The following CDH23 variants were observed in gnomAD, a reference collection of about 807,000 sequenced individuals.
CDH23 encodes the protein cadherin-23.
A neutral mutation model predicts 317.1 loss-of-function variants in CDH23; 189 were observed. That is an observed-to-expected ratio of 0.60 (90% CI 0.53 to 0.67). The LOEUF (loss-of-function observed/expected upper bound fraction) is 0.67. Among genes scored for constraint, CDH23 ranks in the 30% least tolerant of loss-of-function variants. The pLI, the probability that CDH23 is intolerant of heterozygous loss-of-function variation, is 0.00. For missense variants in CDH23, 4,401 were observed against 4,592.4 expected (o/e 0.96, Z 1.20); for synonymous variants, 1,839 against 1,876.8 (o/e 0.98, Z 0.52).
At position 71,802,891 on chromosome 10, in the gene CDH23, C is replaced by T. The variant is rs1311347477; in HGVS notation, c.7483-7C>T. The T allele has an allele frequency of 1.2e-6, 2 of 1,613,966 alleles. No homozygotes were observed. The highest frequency in any genetic ancestry group is 1.7e-6 in the Non-Finnish European group (2 of 1,179,848). On this transcript the variant is annotated splice_region_variant and splice_polypyrimidine_tract_variant and intron_variant, in intron 53 of 69. Coordinates refer to ENST00000224721, the MANE Select transcript of CDH23 (RefSeq NM_022124.6). ...CTTACCTTTGGCCTTGACCTCCATCCACCCAGGTGGTGATCCAAGTGCTGG... is the reference window on the plus strand; with the variant it reads ...CTTACCTTTGGCCTTGACCTCCATCTACCCAGGTGGTGATCCAAGTGCTGG...
chr10:71,403,060 T>C (rs915538091), intron 1 of CDH23, among the ~76,000 whole-genome samples: 2 of 151,988 alleles, frequency 1.3e-5, no homozygotes, highest in Non-Finnish European at 2.9e-5. Flanking sequence ...AGGCGGAGCT[T>C]GCAGTGAGCC....
At chr10:71,440,033 A>C in intron 2 of CDH23, 135 bp downstream of exon 2, 1 of 700,762 alleles carries the variant, frequency 1.4e-6, no homozygotes, top group East Asian at 2.8e-5. Context: ...TGACTGAGGC[A>C]CATACTTCCC....
Position 71,759,872 on chromosome 10 carries a change from T to TACACACACACACATATATATAC in CDH23, c.4846-17791_4846-17790insTATACACACACACACACATATA, listed in dbSNP as rs1564779199. 1.7e-4 allele frequency among the ~76,000 whole-genome samples: 6 copies of TACACACACACACATATATATAC among 34,866 alleles called. 2 individuals carry two copies. Among genetic ancestry groups the TACACACACACACATATATATAC allele is most frequent in the Non-Finnish European group, 4.5e-4 (6 of 13,342 alleles). 22.9% of individuals were successfully genotyped at this position (34,866 alleles called of 152,430 possible). ...ATATACACACACACACACATATATA[T>TACACACACACACATATATATAC]ACACACACACACATATACACACACA... On this transcript the variant is annotated intron_variant, in intron 38 of 69. Transcript: ENST00000224721.
intron 3 of CDH23, among the ~76,000 whole-genome samples, chr10:71,479,325 G>A (rs1174784226): frequency 6.6e-6 from 1 of 152,144 alleles, no homozygotes; most frequent in African/African-American, 2.4e-5. Context: ...CTTCTCTCTT[G>A]TCTCAGGGTT....
At chr10:71,636,050 T>A (rs1862254353) in intron 11 of CDH23, among the ~76,000 whole-genome samples, 1 of 151,888 alleles carries the variant, frequency 6.6e-6, no homozygotes, top group Non-Finnish European at 1.5e-5. Flanking sequence ...TATTTCAACA[T>A]GAATTTTGGG....
At chr10:71,705,272 C>A in intron 25 of CDH23, 142 bp downstream of exon 25, 1 of 765,294 alleles carries the variant, frequency 1.3e-6, no homozygotes, top group Non-Finnish European at 2.1e-6. Context: ...ATGAGGTGCC[C>A]TCCCCAGCTG....
chr10:71,637,512 T>C (rs1862332953), intron 11 of CDH23, among the ~76,000 whole-genome samples: 1 of 152,162 alleles, frequency 6.6e-6, no homozygotes, highest in Non-Finnish European at 1.5e-5. Flanking sequence ...GATGAGGAAA[T>C]TGAGGCTCAA....
In CDH23 at chr10:71,503,457, G is replaced by C. The variant is rs1243713258; in HGVS notation, c.146-6625G>C. 2.6e-5 allele frequency among the ~76,000 whole-genome samples: 4 copies of C among 152,296 alleles called. No homozygotes were observed. The East Asian group carries it at 7.7e-4, about 29-fold the overall frequency. On this transcript the variant is annotated intron_variant, in intron 3 of 69. Transcript: ENST00000224721. ...TGGCTCAGAGACCTTCATGACTTTG[G>C]GGGGCTGTCTTTTCCTAACACCTCT...
Position 71,548,694 on chromosome 10 carries a change from G to T in CDH23, c.430-18048G>T, listed in dbSNP as rs548957867. On this transcript the variant is annotated intron_variant, in intron 6 of 69. Transcript: ENST00000224721. Reference sequence around the variant, plus strand: ...GTCCTCAGGGTAGTACTTAGTGGTTGTCATTTTATCTTTTAGGGGAACAAC... The same window carrying T: ...GTCCTCAGGGTAGTACTTAGTGGTTTTCATTTTATCTTTTAGGGGAACAAC... Among the ~76,000 whole-genome samples, 21 of 152,336 alleles carry T rather than the reference G, an allele frequency of 1.4e-4. No individual in the cohort carries two copies. In the South Asian group the frequency reaches 4.3e-3, roughly 32 times the overall value.
At chr10:71,415,590 C>CAT (rs1477626782) in intron 1 of CDH23, among the ~76,000 whole-genome samples, 1 of 152,148 alleles carries the variant, frequency 6.6e-6, no homozygotes, top group East Asian at 1.9e-4. Context: ...GAGATACATA[C>CAT]ATAGCTCATT....
chr10:71,460,347 G>A (rs1850917652), intron 3 of CDH23, among the ~76,000 whole-genome samples: 3 of 152,254 alleles, frequency 2.0e-5, no homozygotes, highest in Admixed American at 6.5e-5. Flanking sequence ...GCAAGGGAGA[G>A]GATGTGCCCT....
At chr10:71,480,915 C>G (rs1407615298) in intron 3 of CDH23, among the ~76,000 whole-genome samples, 2 of 152,030 alleles carry the variant, frequency 1.3e-5, no homozygotes, top group Non-Finnish European at 2.9e-5. Flanking sequence ...GTTTTTGGAG[C>G]TGGACAGGTA....
At chr10:71,796,281 G>T (rs772189623) in intron 48 of CDH23, among the ~76,000 whole-genome samples, 13 of 152,332 alleles carry the variant, frequency 8.5e-5, no homozygotes, top group Admixed American at 8.5e-4. Flanking sequence ...GCAGCACTGA[G>T]GTCAGCCAAA....
intron 6 of CDH23, among the ~76,000 whole-genome samples, chr10:71,532,064 G>A (rs1855403416): frequency 6.6e-6 from 1 of 152,110 alleles, no homozygotes; most frequent in African/African-American, 2.4e-5. Flanking sequence ...GCAAAAGGTA[G>A]GAAAAGCTGT....
intron 1 of CDH23, among the ~76,000 whole-genome samples, chr10:71,400,364 G>A (rs1174713554): frequency 6.6e-6 from 1 of 151,614 alleles, no homozygotes; most frequent in African/African-American, 2.4e-5. Flanking sequence ...CCCTAAGCTA[G>A]CCTCTTTCCC....
At chr10:71,665,324 C>A (rs1033678844) in intron 14 of CDH23, among the ~76,000 whole-genome samples, 2 of 152,216 alleles carry the variant, frequency 1.3e-5, no homozygotes, top group Non-Finnish European at 2.9e-5. Flanking sequence ...CTGGTCCAAG[C>A]CCCCACTGCC....
chr10:71,549,876 C>T (rs1201778832), intron 6 of CDH23, among the ~76,000 whole-genome samples: 1 of 152,072 alleles, frequency 6.6e-6, no homozygotes, highest in Non-Finnish European at 1.5e-5. Flanking sequence ...GGGGCGGGGT[C>T]GGGGAGGTTC....
At chr10:71,454,229 A>G (rs1257487006) in intron 3 of CDH23, among the ~76,000 whole-genome samples, 1 of 152,250 alleles carries the variant, frequency 6.6e-6, no homozygotes, top group African/African-American at 2.4e-5. Context: ...CCTCTTCTGC[A>G]AAATGGGAAT....
At chr10:71,577,889 C>G (rs376145292) in intron 8 of CDH23, 25 bp from the exon 9 acceptor site, 301 of 1,567,642 alleles carry the variant, frequency 1.9e-4, no homozygotes, top group Non-Finnish European at 2.5e-4. Flanking sequence ...GACCCAAACT[C>G]AAGTCCCTCC....
Sources: allele counts gnomAD v4.1 joint callset (sites outside exome capture counted in the v4.1 genomes callset), GRCh38; gene constraint gnomAD v4.1.1; transcripts MANE v1.5; gene names NCBI Gene and HGNC (gene_info 2026-07-23, HGNC 2026-07-21).